The following SDK1 variants were observed in gnomAD, a reference collection of about 807,000 sequenced individuals.
SDK1 encodes sidekick cell adhesion molecule 1, also known as protein sidekick-1.
In SDK1, 157 loss-of-function variants were observed where a neutral mutation model predicts 245.5. The ratio of observed to expected loss-of-function variants is 0.64; its 90% CI spans 0.56 to 0.73. The LOEUF (loss-of-function observed/expected upper bound fraction) is 0.73. Ranked by LOEUF, SDK1 falls within the 30% of genes least tolerant of loss-of-function variation. The pLI is 0.00. For synonymous variants in SDK1, 1,647 were observed against 1,278.5 expected (o/e 1.29, Z -6.15); for missense variants, 3,583 against 3,002.3 (o/e 1.19, Z -4.52).
At chr7:3,321,863 T>C (rs1444346583) in intron 1 of SDK1, among the ~76,000 whole-genome samples, 1 of 145,662 alleles carries the variant, frequency 6.9e-6, no homozygotes, top group Non-Finnish European at 1.5e-5. Context: ...CTTTCTCTCT[T>C]TGTTTCCATT....
intron 17 of SDK1, among the ~76,000 whole-genome samples, chr7:4,046,525 G>T (rs936760378): frequency 6.6e-6 from 1 of 152,132 alleles, no homozygotes; most frequent in Admixed American, 6.5e-5. Context: ...TTTTGTGAAT[G>T]AATGTCTAAT....
At chr7:4,083,708 T>TCCTCCCTCCCTCCTTTACTTGCTC (rs1554335200) in intron 22 of SDK1, among the ~76,000 whole-genome samples, 5 of 33,964 alleles carry the variant, frequency 1.5e-4, no homozygotes, top group Non-Finnish European at 1.9e-4. Flanking sequence ...CTCCTTTACT[T>TCCTCCCTCCCTCCTTTACTTGCTC]CCTCCCTCCC....
chr7:3,942,048 A>G (rs1007362237), intron 5 of SDK1, among the ~76,000 whole-genome samples: 1 of 151,844 alleles, frequency 6.6e-6, no homozygotes. Flanking sequence ...CTGGGACTAC[A>G]GGCGCCCGCC....
intron 1 of SDK1, among the ~76,000 whole-genome samples, chr7:3,339,598 A>G (rs1394837320): frequency 6.6e-6 from 1 of 152,162 alleles, no homozygotes; most frequent in East Asian, 1.9e-4. Context: ...GAATCAAACT[A>G]AAAATAGTAA....
chr7:3,656,840 C>T (rs1267919296), intron 4 of SDK1, among the ~76,000 whole-genome samples: 3 of 151,898 alleles, frequency 2.0e-5, no homozygotes, highest in Admixed American at 6.6e-5. Context: ...CTCCGCCTCC[C>T]GGGTTCACAC....
intron 17 of SDK1, among the ~76,000 whole-genome samples, chr7:4,018,439 G>A: frequency 6.6e-6 from 1 of 152,190 alleles, no homozygotes; most frequent in East Asian, 1.9e-4. Context: ...ACAGCGACTA[G>A]AAGAAATATT....
rs542654501 is a variant in SDK1 at position 4,237,765 on chromosome 7, G to A, written c.6111G>A (p.Lys2037=). The A allele has an allele frequency of 2.5e-6, 4 of 1,614,160 alleles. No homozygotes were observed. In the East Asian group the frequency reaches 6.7e-5, roughly 27 times the overall value. Residue 2037 remains lysine, a synonymous_variant, in exon 42 of 45, where the codon AAG becomes AAA. Transcript: ENST00000404826. ...FALVLHGQNK[K]YKNCSTGKGI... Reference sequence around the variant, plus strand: ...TCGTCCTGCACGGGCAGAATAAGAAGTATAAGAACTGCAGCACAGGTGCAG... The same window carrying A: ...TCGTCCTGCACGGGCAGAATAAGAAATATAAGAACTGCAGCACAGGTGCAG...
chr7:3,765,189 A>T (rs1256166634), intron 4 of SDK1, among the ~76,000 whole-genome samples: 1 of 152,238 alleles, frequency 6.6e-6, no homozygotes, highest in Non-Finnish European at 1.5e-5. Context: ...CTTTAAAAAA[A>T]AATCTAGTGC....
At chr7:3,466,165 C>A (rs1374831830) in intron 1 of SDK1, among the ~76,000 whole-genome samples, 1 of 151,810 alleles carries the variant, frequency 6.6e-6, no homozygotes, top group Non-Finnish European at 1.5e-5. Context: ...CCTGAAAACC[C>A]TGTGGGAAAC....
At chr7:4,001,700 A>G (rs1295212389) in intron 14 of SDK1, among the ~76,000 whole-genome samples, 1 of 152,276 alleles carries the variant, frequency 6.6e-6, no homozygotes, top group East Asian at 1.9e-4. Context: ...AAAGGGAAGG[A>G]TATCAAAATG....
rs1237597039 is a variant in SDK1 at position 3,429,760 on chromosome 7, C to CTT, written c.298+127888_298+127889dup. The stretch of plus-strand genomic sequence containing the variant: ...TACAGGTGTGGGACACCATGTCTGG[C>CTT]TTTTTTTTTTTTTGTAGAGACAGGT... On this transcript the variant is annotated intron_variant, in intron 1 of 44. Coordinates refer to ENST00000404826, the MANE Select transcript of SDK1 (RefSeq NM_152744.4). 7.0e-5 allele frequency among the ~76,000 whole-genome samples: 10 copies of CTT among 143,308 alleles called. 1 individual carries two copies. Among genetic ancestry groups the CTT allele is most frequent in the East Asian group, 2.0e-4 (1 of 4,944 alleles). 94.0% of individuals were successfully genotyped at this position (143,308 alleles called of 152,430 possible). A position where few individuals can be genotyped will look rare whatever the true frequency, so the allele number is the denominator to read the frequency against.
In SDK1 at chr7:4,168,215, G is replaced by A. The variant is rs373210802; in HGVS notation, c.4801-6007G>A. On this transcript the variant is annotated intron_variant, in intron 32 of 44. Coordinates refer to ENST00000404826, the MANE Select transcript of SDK1 (RefSeq NM_152744.4). ...GAAGCCACCCTCTGGGGGCACGGCC[G>A]CCTGGACCCCCTCCCCAGGCCTGGA... 2.2e-3 allele frequency among the ~76,000 whole-genome samples: 329 copies of A among 152,270 alleles called. 13 individuals carry two copies. The South Asian group carries it at 0.062, about 28-fold the overall frequency.
At chr7:4,050,071 G>C (rs1198692859) in intron 18 of SDK1, among the ~76,000 whole-genome samples, 1 of 152,184 alleles carries the variant, frequency 6.6e-6, no homozygotes, top group African/African-American at 2.4e-5. Context: ...TTTCAGATCA[G>C]CTTCTCCTGA....
intron 5 of SDK1, among the ~76,000 whole-genome samples, chr7:3,914,197 T>A (rs987510496): frequency 3.9e-5 from 6 of 152,232 alleles, no homozygotes; most frequent in African/African-American, 1.4e-4. Flanking sequence ...CATAATTAGG[T>A]GCAAGTTGCT....
At chr7:3,866,519 C>T (rs1583491792) in intron 5 of SDK1, among the ~76,000 whole-genome samples, 1 of 151,396 alleles carries the variant, frequency 6.6e-6, no homozygotes, top group Admixed American at 6.6e-5. Context: ...GCCAGAATAG[C>T]TGGGTTACAG....
chr7:4,090,470 G>A (rs981692444), intron 22 of SDK1, among the ~76,000 whole-genome samples: 2 of 152,026 alleles, frequency 1.3e-5, no homozygotes, highest in African/African-American at 4.8e-5. Flanking sequence ...TTTATTTTGG[G>A]TAACAGATTT....
intron 1 of SDK1, among the ~76,000 whole-genome samples, chr7:3,527,823 G>C (rs1315530996): frequency 2.0e-5 from 3 of 151,540 alleles, no homozygotes; most frequent in Admixed American, 6.6e-5. Context: ...GGTAAGGTTG[G>C]ATGATAGTCA....
chr7:3,998,819 G>T (rs938099513), intron 14 of SDK1, among the ~76,000 whole-genome samples: 2 of 152,154 alleles, frequency 1.3e-5, no homozygotes, highest in African/African-American at 4.8e-5. Context: ...TGCAGTCGGC[G>T]TCTCCACTGC....
chr7:3,457,531 G>C (rs1039089102), intron 1 of SDK1, among the ~76,000 whole-genome samples: 6 of 152,114 alleles, frequency 3.9e-5, no homozygotes, highest in Admixed American at 3.9e-4. Context: ...GACCCATACA[G>C]CATACGATGA....
Sources: allele counts gnomAD v4.1 joint callset (sites outside exome capture counted in the v4.1 genomes callset), GRCh38; gene constraint gnomAD v4.1.1; transcripts MANE v1.5; gene names NCBI Gene and HGNC (gene_info 2026-07-23, HGNC 2026-07-21).